RBPJ: variants seen among roughly 807,000 people sequenced by gnomAD.
RBPJ encodes the protein recombination signal binding protein for immunoglobulin kappa J region, also known as recombining binding protein suppressor of hairless.
In RBPJ, 9 loss-of-function variants were observed where a neutral mutation model predicts 67.8. The ratio of observed to expected loss-of-function variants is 0.13; its 90% CI spans 0.08 to 0.23. The LOEUF is 0.23. Ranked by LOEUF, RBPJ falls within the 10% of genes least tolerant of loss-of-function variation. The pLI, the probability that RBPJ is intolerant of heterozygous loss-of-function variation, is 1.00. For missense variants in RBPJ, 305 were observed against 595.6 expected (o/e 0.51, Z 5.08); for synonymous variants, 198 against 203.3 (o/e 0.97, Z 0.22).
At chr4:26,291,696 C>G (rs1298353710) in intron 1 of RBPJ, among the ~76,000 whole-genome samples, 1 of 150,142 alleles carries the variant, frequency 6.7e-6, no homozygotes, top group Non-Finnish European at 1.5e-5. Context: ...CCTGCCTCAG[C>G]CTCCTGAGTA....
chr4:26,153,676 C>T, the RBPJ span, among the ~76,000 whole-genome samples: 4 of 152,160 alleles, frequency 2.6e-5, no homozygotes, highest in African/African-American at 9.7e-5. Context: ...GTTATGAAGG[C>T]ACACACAGCT....
chr4:26,264,274 A>G lies in RBPJ; in HGVS notation c.-166-98172A>G, dbSNP rs181435609. Among the ~76,000 whole-genome samples, 244 of 152,358 alleles carry G rather than the reference A, an allele frequency of 1.6e-3. 1 individual carries two copies. The highest frequency in any genetic ancestry group is 0.01 in the Middle Eastern group (3 of 292). On this transcript the variant is annotated intron_variant, in intron 1 of 4. Transcript: ENST00000512351. The surrounding 1 kb of genome is among the most constrained non-coding windows in gnomAD (Gnocchi z 4.1). ...AATGAATACTTATTAATTCAAATCAATGAATACTTATTAATTCAGATCTTA... is the reference window on the plus strand; with the variant it reads ...AATGAATACTTATTAATTCAAATCAGTGAATACTTATTAATTCAGATCTTA...
chr4:26,332,835 C>T (rs1022935219), intron 1 of RBPJ, among the ~76,000 whole-genome samples: 29 of 152,234 alleles, frequency 1.9e-4, no homozygotes, highest in African/African-American at 5.5e-4. Flanking sequence ...TTTGTAGAGA[C>T]GGAGTCTCTC....
At chr4:26,219,486 T>C (rs1428192645) in intron 1 of RBPJ, among the ~76,000 whole-genome samples, 1 of 152,200 alleles carries the variant, frequency 6.6e-6, no homozygotes, top group Non-Finnish European at 1.5e-5. Flanking sequence ...TCCAGTTCTG[T>C]AGCTGACTAG....
chr4:26,246,973 CTT>C (rs56160527), intron 1 of RBPJ, among the ~76,000 whole-genome samples: 14 of 121,910 alleles, frequency 1.1e-4, no homozygotes, highest in African/African-American at 1.3e-4. Flanking sequence ...ACATAATACG[CTT>C]TTTTTTTTTT....
At chr4:26,185,509 A>C (rs1197961729) in intron 1 of RBPJ, among the ~76,000 whole-genome samples, 3 of 152,198 alleles carry the variant, frequency 2.0e-5, no homozygotes, top group Admixed American at 2.0e-4. Context: ...AGGCCAGGAA[A>C]AATAATTTTG....
At chr4:26,362,367 C>T in intron 1 of RBPJ, 1 of 792,502 alleles carries the variant, frequency 1.3e-6, no homozygotes, top group Non-Finnish European at 1.8e-6. Flanking sequence ...TTTTCTTAGT[C>T]ATGGCAGCAG....
At chr4:26,359,413 A>ATTT (rs56112785) in intron 1 of RBPJ, among the ~76,000 whole-genome samples, 2,671 of 128,974 alleles carry the variant, frequency 0.021, 63 homozygotes, top group African/African-American at 0.046. Context: ...TAACACCTTC[A>ATTT]TTTTTTTTTT....
chr4:26,334,945 T>C (rs56714342), intron 1 of RBPJ, among the ~76,000 whole-genome samples: 2,504 of 152,302 alleles, frequency 0.016, 75 homozygotes, highest in African/African-American at 0.057. Flanking sequence ...TCTGTGTCAT[T>C]AGTGTGGATG....
chr4:26,353,567 TAATA>T (rs984537195), intron 1 of RBPJ, among the ~76,000 whole-genome samples: 6 of 152,166 alleles, frequency 3.9e-5, no homozygotes, highest in African/African-American at 9.6e-5. Context: ...TCAAATATAC[TAATA>T]AATCTTATTT....
At chr4:26,139,144 CA>C in the RBPJ span, among the ~76,000 whole-genome samples, 2 of 109,858 alleles carry the variant, frequency 1.8e-5, no homozygotes, top group Non-Finnish European at 3.9e-5. Flanking sequence ...GGCACACGGC[CA>C]CAGACCCAAT....
chr4:26,352,934 C>T (rs1002077812), intron 1 of RBPJ, among the ~76,000 whole-genome samples: 2 of 152,084 alleles, frequency 1.3e-5, no homozygotes, highest in Non-Finnish European at 1.5e-5. Context: ...TTTTAGTAAG[C>T]TTTGTTTTTG....
At chr4:26,117,312 C>A in the RBPJ span, among the ~76,000 whole-genome samples, 1 of 152,050 alleles carries the variant, frequency 6.6e-6, no homozygotes, top group Admixed American at 6.6e-5. Flanking sequence ...AGCATCCTGC[C>A]CTGGCTTTTC....
chr4:26,214,386 G>T (rs1271248563), intron 1 of RBPJ, among the ~76,000 whole-genome samples: 1 of 124,660 alleles, frequency 8.0e-6, no homozygotes, highest in Non-Finnish European at 1.7e-5. Flanking sequence ...AGAGAAAGAA[G>T]GGGAGGGAGG....
intron 1 of RBPJ, among the ~76,000 whole-genome samples, chr4:26,239,392 G>A (rs939577015): frequency 2.0e-5 from 3 of 152,198 alleles, no homozygotes; most frequent in Non-Finnish European, 4.4e-5. Flanking sequence ...GTGACATAAA[G>A]AAAGCACTGG....
intron 1 of RBPJ, among the ~76,000 whole-genome samples, chr4:26,370,877 G>A (rs1035232152): frequency 1.3e-5 from 2 of 151,902 alleles, no homozygotes; most frequent in Admixed American, 1.3e-4. Context: ...TAAGGAGATC[G>A]AGACAATCCT....
intron 1 of RBPJ, among the ~76,000 whole-genome samples, chr4:26,195,353 A>G (rs1458453313): frequency 6.6e-6 from 1 of 152,230 alleles, no homozygotes; most frequent in African/African-American, 2.4e-5. Flanking sequence ...GTGAATGGAT[A>G]AATGAAATGT....
At chr4:26,301,570 T>C (rs796504091) in intron 1 of RBPJ, among the ~76,000 whole-genome samples, 19 of 149,630 alleles carry the variant, frequency 1.3e-4, no homozygotes, top group African/African-American at 4.2e-4. Context: ...CCAGCCTGGG[T>C]GACAGAGCGA....
intron 1 of RBPJ, among the ~76,000 whole-genome samples, chr4:26,365,314 T>G (rs939375684): frequency 4.6e-5 from 7 of 152,266 alleles, no homozygotes; most frequent in African/African-American, 1.4e-4. Context: ...TTCAATTTTT[T>G]GGGCTTTTTC....
Sources: gnomAD v4.1 joint callset for allele counts (sites outside exome capture counted in the v4.1 genomes callset) on GRCh38, gnomAD v4.1.1 for gene constraint, Gnocchi (gnomAD v3.1) non-coding constraint, MANE v1.5 for transcripts, NCBI Gene and HGNC (gene_info 2026-07-23, HGNC 2026-07-21) for gene names.